The following ROPN1L variants were observed in gnomAD, a reference collection of about 807,000 sequenced individuals.
ROPN1L encodes the protein ropporin-1-like protein.
ROPN1L carries 23 observed loss-of-function variants against 22.7 expected under a neutral mutation model. The ratio of observed to expected loss-of-function variants is 1.01; its 90% CI spans 0.73 to 1.43. The LOEUF is 1.43. Ranked by LOEUF, ROPN1L falls within the 40% of genes most tolerant of loss-of-function variation. ROPN1L has a pLI of 0.00. For synonymous variants in ROPN1L, 116 were observed against 117.8 expected, an observed-to-expected ratio of 0.98 and a Z score of 0.10; for missense variants, 271 against 291.5, an observed-to-expected ratio of 0.93 and a Z score of 0.51.
chr5:10,455,289 C>G (rs922888340), intron 3 of ROPN1L, among the ~76,000 whole-genome samples: 14 of 152,214 alleles, frequency 9.2e-5, no homozygotes, highest in African/African-American at 3.4e-4. Flanking sequence ...GCAGCTAGGG[C>G]TCGAAAGCCC....
downstream of ROPN1L, among the ~76,000 whole-genome samples, chr5:10,467,120 G>A (rs575319807): frequency 7.2e-5 from 11 of 152,212 alleles, no homozygotes; most frequent in African/African-American, 1.9e-4. Context: ...TGTCAATTTT[G>A]TTGGTGGGGA....
the ROPN1L span, among the ~76,000 whole-genome samples, chr5:10,480,030 C>A: frequency 6.6e-6 from 1 of 152,206 alleles, no homozygotes; most frequent in East Asian, 1.9e-4. Context: ...AGGCATGAGC[C>A]ACTGTGCCCA....
intron 3 of ROPN1L, among the ~76,000 whole-genome samples, chr5:10,453,255 A>G (rs1191820735): frequency 1.3e-5 from 2 of 152,092 alleles, no homozygotes; most frequent in African/African-American, 2.4e-5. Context: ...GTCTGCTGCC[A>G]GGGATGCCTG....
At chr5:10,457,220 T>C (rs2126454230) in intron 3 of ROPN1L, among the ~76,000 whole-genome samples, 1 of 152,246 alleles carries the variant, frequency 6.6e-6, no homozygotes, top group Non-Finnish European at 1.5e-5. Context: ...CCCCTAACCG[T>C]GCCGTCCACC....
At chr5:10,479,628 A>T in the ROPN1L span, among the ~76,000 whole-genome samples, 2 of 152,090 alleles carry the variant, frequency 1.3e-5, no homozygotes, top group Admixed American at 1.3e-4. Context: ...CGGGCGTCTC[A>T]CCTTGTGACT....
At chr5:10,475,406 A>G (rs772210103), downstream of ROPN1L, among the ~76,000 whole-genome samples, 2 of 152,210 alleles carry the variant, frequency 1.3e-5, no homozygotes, top group Non-Finnish European at 2.9e-5. Context: ...GATTATTTAT[A>G]TAAAACTTTC....
chr5:10,478,476 C>G, the ROPN1L span, among the ~76,000 whole-genome samples: 2 of 152,178 alleles, frequency 1.3e-5, no homozygotes, highest in Non-Finnish European at 2.9e-5. Context: ...AAGGCTCTGG[C>G]TGGGGGTGGG....
the ROPN1L span, among the ~76,000 whole-genome samples, chr5:10,479,932 C>T: frequency 8.5e-5 from 13 of 152,080 alleles, no homozygotes; most frequent in Admixed American, 2.0e-4. Flanking sequence ...TTAGCAGAGA[C>T]GGGGTTTCTC....
chr5:10,467,262 G>T (rs1434365231), downstream of ROPN1L, among the ~76,000 whole-genome samples: 3 of 131,730 alleles, frequency 2.3e-5, no homozygotes, highest in East Asian at 2.6e-4. Flanking sequence ...GGTATAAAAA[G>T]AAATGTAAAT....
intron 1 of ROPN1L, 104 bp from the exon 2 acceptor site, chr5:10,448,156 G>A: frequency 7.3e-7 from 1 of 1,360,954 alleles, no homozygotes; most frequent in Non-Finnish European, 1.0e-6. Context: ...CTTCAGAGCT[G>A]TCCTTCCTAA....
At chr5:10,477,548 C>T in the ROPN1L span, among the ~76,000 whole-genome samples, 29 of 152,160 alleles carry the variant, frequency 1.9e-4, no homozygotes, top group East Asian at 2.5e-3. Flanking sequence ...AGGAAAAGGG[C>T]GGGAAACTTA....
chr5:10,470,179 C>A (rs932444225), intron 4 of ROPN1L, among the ~76,000 whole-genome samples: 9 of 152,178 alleles, frequency 5.9e-5, no homozygotes, highest in African/African-American at 2.2e-4. Flanking sequence ...TGTCAGCCTG[C>A]GGCTTTGTGC....
intron 4 of ROPN1L, among the ~76,000 whole-genome samples, chr5:10,462,820 C>T (rs905749964): frequency 2.2e-4 from 34 of 152,034 alleles, no homozygotes; most frequent in South Asian, 2.1e-4. Flanking sequence ...CCTGGGGGGG[C>T]AGAGGTTACA....
chr5:10,447,499 TC>T (rs1376539042), intron 1 of ROPN1L, among the ~76,000 whole-genome samples: 2 of 152,180 alleles, frequency 1.3e-5, no homozygotes, highest in African/African-American at 4.8e-5. Flanking sequence ...ACCTGTGTGT[TC>T]CTGGGCTGCC....
At chr5:10,468,549 G>A (rs2126478963), downstream of ROPN1L, among the ~76,000 whole-genome samples, 1 of 152,210 alleles carries the variant, frequency 6.6e-6, no homozygotes, top group East Asian at 1.9e-4. Context: ...ATTGTTGCTT[G>A]TCTTTAGGGG....
chr5:10,442,399 C>T lies in ROPN1L; in HGVS notation c.131+101C>T. ...ACCAGGGGCCTTACGCGGCACTCAG[C>T]GTCCTTAAGAGTATCAGGCAAAACT... On this transcript the variant is annotated intron_variant, in intron 1 of 4. Coordinates refer to ENST00000274134, the MANE Select transcript of ROPN1L (RefSeq NM_031916.5). 8.1e-6 allele frequency: 12 copies of T among 1,475,468 alleles called. No homozygotes were observed. In the South Asian group the frequency reaches 1.1e-4, roughly 14 times the overall value. The allele number at this position is 1,475,468 out of a possible 1,614,324, so 91.4% of individuals were successfully genotyped here. A position where few individuals can be genotyped will look rare whatever the true frequency, so the allele number is the denominator to read the frequency against.
At chr5:10,445,157 G>A (rs964800463) in intron 1 of ROPN1L, among the ~76,000 whole-genome samples, 5 of 152,084 alleles carry the variant, frequency 3.3e-5, no homozygotes, top group African/African-American at 1.2e-4. Context: ...TTTTAGTAGA[G>A]ACGGGGGTTT....
intron 3 of ROPN1L, 46 bp downstream of exon 3, chr5:10,450,159 T>TCCC: frequency 6.9e-7 from 1 of 1,442,256 alleles, no homozygotes; most frequent in Non-Finnish European, 9.3e-7. Flanking sequence ...GTCATCATGG[T>TCCC]CCCAGCTTAA....
chr5:10,469,790 A>G (rs1735216794), downstream of ROPN1L, among the ~76,000 whole-genome samples: 1 of 152,174 alleles, frequency 6.6e-6, no homozygotes, highest in Non-Finnish European at 1.5e-5. Flanking sequence ...CTGTTGGTTT[A>G]TGAGGTATAG....
Sources: allele counts gnomAD v4.1 joint callset (sites outside exome capture counted in the v4.1 genomes callset), GRCh38; gene constraint gnomAD v4.1.1; transcripts MANE v1.5; gene names NCBI Gene and HGNC (gene_info 2026-07-23, HGNC 2026-07-21).